CTNND2: variants seen among roughly 807,000 people sequenced by gnomAD.
The protein encoded by CTNND2 is catenin delta 2.
CTNND2 carries 22 observed loss-of-function variants against 144.4 expected under a neutral mutation model. The observed-to-expected ratio is 0.15, with a 90% CI of 0.11 to 0.22. The LOEUF (loss-of-function observed/expected upper bound fraction) is 0.22. Among genes scored for constraint, CTNND2 ranks in the 10% least tolerant of loss-of-function variants. The probability of loss-of-function intolerance (pLI) is 1.00; values close to 1 mark genes in which losing one functional copy is unlikely to be tolerated. For missense variants in CTNND2, 1,353 were observed against 1,618.8 expected (o/e 0.84, Z 2.82); for synonymous variants, 751 against 695.6 (o/e 1.08, Z -1.25).
At chr5:11,620,477 C>T (rs967451670) in intron 2 of CTNND2, among the ~76,000 whole-genome samples, 3 of 152,222 alleles carry the variant, frequency 2.0e-5, no homozygotes, top group Non-Finnish European at 4.4e-5. Flanking sequence ...TTTACCCAGC[C>T]TTATTCTTCC....
Position 11,097,780 on chromosome 5 carries a change from C to A in CTNND2, c.2637+795G>T, listed in dbSNP as rs185073834. The stretch of plus-strand genomic sequence containing the variant: ...AGGAGTGATTGATGAATATCCCACA[C>A]CCCAGGATTTGATATGAGATTAATG... On this transcript the variant is annotated intron_variant, in intron 15 of 21. Transcript: ENST00000304623. Among the ~76,000 whole-genome samples, 23 of 152,184 alleles carry A rather than the reference C, an allele frequency of 1.5e-4. No individual in the cohort carries two copies. In the East Asian group the frequency reaches 3.1e-3, roughly 20 times the overall value.
chr5:11,517,150 G>C (rs186315064), intron 3 of CTNND2, among the ~76,000 whole-genome samples: 12 of 152,278 alleles, frequency 7.9e-5, no homozygotes, highest in Admixed American at 7.2e-4. Flanking sequence ...CGTACACACT[G>C]CTAAATACCA....
At chr5:11,851,889 C>A (rs974304594) in intron 1 of CTNND2, among the ~76,000 whole-genome samples, 1 of 152,144 alleles carries the variant, frequency 6.6e-6, no homozygotes, top group African/African-American at 2.4e-5. Context: ...TAAATGCAGT[C>A]GATGCTTTCT....
intron 2 of CTNND2, among the ~76,000 whole-genome samples, chr5:11,570,326 T>G (rs1777461382): frequency 1.3e-5 from 2 of 152,202 alleles, no homozygotes; most frequent in South Asian, 2.1e-4. Flanking sequence ...TTCCGTGGAT[T>G]CCTGTCTCCT....
At chr5:10,978,043 G>T (rs901649437) in intron 21 of CTNND2, among the ~76,000 whole-genome samples, 5 of 152,206 alleles carry the variant, frequency 3.3e-5, no homozygotes, top group South Asian at 2.1e-4. Context: ...ACTACCCAGT[G>T]TGAAGCCTGT....
intron 11 of CTNND2, among the ~76,000 whole-genome samples, chr5:11,179,237 G>A (rs1760770356): frequency 6.6e-6 from 1 of 151,714 alleles, no homozygotes; most frequent in African/African-American, 2.4e-5. Flanking sequence ...AGGTTGCGGT[G>A]AACCGAAATT....
intron 1 of CTNND2, among the ~76,000 whole-genome samples, chr5:11,784,146 A>G (rs1010335837): frequency 3.3e-5 from 5 of 152,242 alleles, no homozygotes; most frequent in Non-Finnish European, 7.3e-5. Context: ...ATACTGTAAA[A>G]GAGCTATTGT....
chr5:11,265,524 C>T (rs1745346549), intron 9 of CTNND2, among the ~76,000 whole-genome samples: 1 of 152,088 alleles, frequency 6.6e-6, no homozygotes, highest in Admixed American at 6.5e-5. Flanking sequence ...CCAAACCATA[C>T]TCCTGTATTA....
chr5:11,301,180 C>T (rs545399871), intron 9 of CTNND2, among the ~76,000 whole-genome samples: 1 of 120,792 alleles, frequency 8.3e-6, no homozygotes, highest in Admixed American at 8.1e-5. Context: ...CCATGCCCAG[C>T]TAATTTTTTT....
At chr5:11,558,349 TGTGTGTGTG>T in intron 3 of CTNND2, among the ~76,000 whole-genome samples, 1 of 97,142 alleles carries the variant, frequency 1.0e-5, no homozygotes, top group East Asian at 2.9e-4. Flanking sequence ...CACGTGTGTG[TGTGTGTGTG>T]TGTGTGTGTG....
intron 18 of CTNND2, among the ~76,000 whole-genome samples, chr5:11,009,885 T>TGAG (rs144095975): frequency 6.6e-6 from 1 of 151,476 alleles, no homozygotes; most frequent in Non-Finnish European, 1.5e-5. Context: ...AGATATCATA[T>TGAG]GAGTGTCTGA....
At chr5:11,796,552 T>C (rs1481819607) in intron 1 of CTNND2, among the ~76,000 whole-genome samples, 1 of 152,228 alleles carries the variant, frequency 6.6e-6, no homozygotes, top group Non-Finnish European at 1.5e-5. Context: ...CCTTATCTCA[T>C]CCTTTGTGCT....
chr5:11,738,554 T>C (rs1271811720), intron 1 of CTNND2, among the ~76,000 whole-genome samples: 1 of 152,208 alleles, frequency 6.6e-6, no homozygotes, highest in African/African-American at 2.4e-5. Flanking sequence ...CAATATTCAA[T>C]GTCATATTTT....
chr5:11,730,702 G>A (rs12655327), intron 2 of CTNND2, among the ~76,000 whole-genome samples: 23,341 of 152,188 alleles, frequency 0.15, 1,936 homozygotes, highest in East Asian at 0.27. Flanking sequence ...GGAGACAGTA[G>A]TATTGTGATG....
At chr5:11,838,780 T>A (rs1794310392) in intron 1 of CTNND2, among the ~76,000 whole-genome samples, 2 of 152,204 alleles carry the variant, frequency 1.3e-5, no homozygotes, top group Non-Finnish European at 2.9e-5. Flanking sequence ...TTGTGTCATA[T>A]CTTAAAATCT....
chr5:11,532,184 A>G (rs1055600269), intron 3 of CTNND2, among the ~76,000 whole-genome samples: 1 of 151,970 alleles, frequency 6.6e-6, no homozygotes, highest in East Asian at 1.9e-4. Flanking sequence ...CTACAGGGCC[A>G]CTGTAGTCTT....
At chr5:11,664,916 G>T (rs186924535) in intron 2 of CTNND2, among the ~76,000 whole-genome samples, 28 of 152,264 alleles carry the variant, frequency 1.8e-4, no homozygotes, top group Admixed American at 9.2e-4. Context: ...TAATTGTATT[G>T]TGAAATCACT....
intron 1 of CTNND2, among the ~76,000 whole-genome samples, chr5:11,782,806 T>C (rs1790615498): frequency 1.3e-5 from 2 of 152,230 alleles, no homozygotes; most frequent in Non-Finnish European, 2.9e-5. Flanking sequence ...ATCTTTCTTT[T>C]ACATGCTTAT....
At chr5:11,564,496 G>A (rs61763042) in intron 3 of CTNND2, among the ~76,000 whole-genome samples, 1 of 152,092 alleles carries the variant, frequency 6.6e-6, no homozygotes, top group Non-Finnish European at 1.5e-5. Flanking sequence ...GGAACTGCAC[G>A]TGTGGTTGAT....
Sources: allele counts gnomAD v4.1 joint callset (sites outside exome capture counted in the v4.1 genomes callset), GRCh38; gene constraint gnomAD v4.1.1; transcripts MANE v1.5; gene names NCBI Gene and HGNC (gene_info 2026-07-23, HGNC 2026-07-21).